CTDP1: variants seen among roughly 807,000 people sequenced by gnomAD.
CTDP1 encodes RNA polymerase II subunit A C-terminal domain phosphatase.
CTDP1 carries 47 observed loss-of-function variants against 91.8 expected under a neutral mutation model. The ratio of observed to expected loss-of-function variants is 0.51; its 90% CI spans 0.41 to 0.65. The LOEUF (loss-of-function observed/expected upper bound fraction) is 0.65, where lower values mean the gene tolerates loss of function less well. CTDP1 is among the 30% of genes least tolerant of loss of function. The pLI is 0.00. For synonymous variants in CTDP1, 656 were observed against 598.5 expected (o/e 1.10, Z -1.40); for missense variants, 1,272 against 1,373.7 (o/e 0.93, Z 1.17).
chr18:79,720,923 G>C (rs2086332187), intron 10 of CTDP1, among the ~76,000 whole-genome samples: 1 of 152,152 alleles, frequency 6.6e-6, no homozygotes, highest in Non-Finnish European at 1.5e-5. Context: ...TTGATAATCT[G>C]CTGAATCGGC....
chr18:79,698,100 G>T (rs148805169), intron 4 of CTDP1, 112 bp downstream of exon 4: 20 of 1,483,548 alleles, frequency 1.3e-5, no homozygotes, highest in African/African-American at 1.3e-4. Context: ...GTCAGCCTGG[G>T]TTTGGAAAGC....
intron 4 of CTDP1, among the ~76,000 whole-genome samples, chr18:79,701,325 G>A (rs951802050): frequency 5.3e-5 from 8 of 151,936 alleles, no homozygotes; most frequent in Non-Finnish European, 1.0e-4. Flanking sequence ...CCTGGCTAAT[G>A]CGGTGAAACC....
chr18:79,685,696 C>T (rs944738499), intron 1 of CTDP1: 3 of 152,126 alleles, frequency 2.0e-5, no homozygotes, highest in African/African-American at 2.4e-5. Context: ...GATTAGTCCC[C>T]GAATTTATTG....
chr18:79,740,597 T>C (rs946666896), intron 12 of CTDP1, among the ~76,000 whole-genome samples: 3 of 152,246 alleles, frequency 2.0e-5, no homozygotes, highest in Non-Finnish European at 2.9e-5. Flanking sequence ...GTACAGAAGC[T>C]GGAGGTCACT....
At chr18:79,682,465 A>G (rs374183793) in intron 1 of CTDP1, among the ~76,000 whole-genome samples, 1 of 152,246 alleles carries the variant, frequency 6.6e-6, no homozygotes, top group East Asian at 1.9e-4. Context: ...CTTAAAGCCA[A>G]CAGTGATGGA....
At chr18:79,696,623 G>A (rs149781452) in intron 3 of CTDP1, among the ~76,000 whole-genome samples, 1,983 of 152,328 alleles carry the variant, frequency 0.013, 48 homozygotes, top group African/African-American at 0.045. Flanking sequence ...ACATGCAGGG[G>A]CGGGTTGGGG....
intron 11 of CTDP1, among the ~76,000 whole-genome samples, chr18:79,731,639 G>C (rs1313638221): frequency 2.6e-5 from 4 of 152,218 alleles, no homozygotes; most frequent in African/African-American, 9.6e-5. Context: ...TCCACGTCCA[G>C]AACATGCCTA....
At chr18:79,748,017 G>A (rs2086915375) in intron 12 of CTDP1, among the ~76,000 whole-genome samples, 1 of 152,172 alleles carries the variant, frequency 6.6e-6, no homozygotes. Flanking sequence ...CTTATTCAAT[G>A]TTGAATTTGA....
chr18:79,698,725 T>C (rs993042778), intron 4 of CTDP1, among the ~76,000 whole-genome samples: 8 of 152,124 alleles, frequency 5.3e-5, no homozygotes. Context: ...ACTCTGGCGT[T>C]AGATTTGGGA....
rs985858387 is a variant in CTDP1 at position 79,713,407 on chromosome 18, G to A, written c.1030+269G>A. ...GGATGCTGTTTAACCTAACACATCC[G>A]AATAACTCCCTTCATCCCAGTTTTC... On this transcript the variant is annotated intron_variant, in intron 7 of 12. Transcript: ENST00000613122. The surrounding 1 kb of genome is among the most constrained non-coding windows in gnomAD (Gnocchi z 4.7). 2.0e-5 allele frequency among the ~76,000 whole-genome samples: 3 copies of A among 152,174 alleles called. No individual in the cohort carries two copies. The highest frequency in any genetic ancestry group is 2.1e-4 in the South Asian group (1 of 4,828).
At chr18:79,705,015 C>A in intron 5 of CTDP1, 98 bp downstream of exon 5, 1 of 1,558,502 alleles carries the variant, frequency 6.4e-7, no homozygotes, top group South Asian at 1.1e-5. Flanking sequence ...AAGAAGCTCT[C>A]CTGCAACTCA....
chr18:79,750,733 T>TG (rs1161580149), intron 12 of CTDP1, among the ~76,000 whole-genome samples: 1 of 150,150 alleles, frequency 6.7e-6, no homozygotes, highest in African/African-American at 2.5e-5. Flanking sequence ...AGGCTGGTCT[T>TG]GAACTCCTGA....
At chr18:79,681,549 T>G in intron 1 of CTDP1, 1 of 944,438 alleles carries the variant, frequency 1.1e-6, no homozygotes, top group Non-Finnish European at 1.3e-6. Context: ...CAAGTTAGTA[T>G]TGAAATTCCA....
chr18:79,736,880 G>C (rs536805058), intron 12 of CTDP1, among the ~76,000 whole-genome samples: 2 of 134,260 alleles, frequency 1.5e-5, no homozygotes, highest in African/African-American at 5.4e-5. Flanking sequence ...CTACACGTGC[G>C]CACAGGCGTG....
rs2087056574 is a variant in CTDP1 at position 79,754,081 on chromosome 18, A to G, written c.*291A>G. Reference sequence around the variant, plus strand: ...GGCTGGTGCGCCCGCTGTCTCGGTAAGGGGCGGGTTGGTGTGTTTTCCCCT... The same window carrying G: ...GGCTGGTGCGCCCGCTGTCTCGGTAGGGGGCGGGTTGGTGTGTTTTCCCCT... On this transcript the variant is annotated 3_prime_UTR_variant, in exon 13 of 13. Coordinates refer to ENST00000613122, the MANE Select transcript of CTDP1 (RefSeq NM_004715.5). 2 of 460,994 alleles carry G rather than the reference A, an allele frequency of 4.3e-6. No individual in the cohort carries two copies. The highest frequency in any genetic ancestry group is 3.4e-5 in the Admixed American group (1 of 29,350). 28.6% of individuals were successfully genotyped at this position (460,994 alleles called of 1,614,324 possible).
intron 11 of CTDP1, among the ~76,000 whole-genome samples, chr18:79,733,332 T>C (rs1348106931): frequency 6.6e-6 from 1 of 152,280 alleles, no homozygotes; most frequent in African/African-American, 2.4e-5. Context: ...CTCAGCCAGC[T>C]CACAAAGAGA....
At chr18:79,701,561 AT>A (rs1394351360) in intron 4 of CTDP1, among the ~76,000 whole-genome samples, 1,934 of 150,398 alleles carry the variant, frequency 0.013, 48 homozygotes, top group African/African-American at 0.044. Context: ...AAATAAATAA[AT>A]AAATAAATAA....
chr18:79,744,543 G>A (rs2086840643), intron 12 of CTDP1, among the ~76,000 whole-genome samples: 1 of 152,348 alleles, frequency 6.6e-6, no homozygotes. Context: ...GGCCATCACC[G>A]TAGGAAAGCT....
intron 12 of CTDP1, among the ~76,000 whole-genome samples, chr18:79,738,898 T>C (rs535365628): frequency 6.6e-5 from 10 of 152,348 alleles, no homozygotes; most frequent in African/African-American, 2.4e-4. Context: ...AAATTCCGTA[T>C]TGGGTGATAA....
Sources: allele counts gnomAD v4.1 joint callset (sites outside exome capture counted in the v4.1 genomes callset), GRCh38; gene constraint gnomAD v4.1.1; non-coding constraint Gnocchi (gnomAD v3.1); transcripts MANE v1.5; gene names NCBI Gene and HGNC (gene_info 2026-07-23, HGNC 2026-07-21).